The following TTBK2 variants were observed in gnomAD, a reference collection of about 807,000 sequenced individuals.
The protein encoded by TTBK2 is tau tubulin kinase 2.
In TTBK2, 28 loss-of-function variants were observed where a neutral mutation model predicts 110.8. The ratio of observed to expected loss-of-function variants is 0.25; its 90% confidence interval spans 0.19 to 0.35. TTBK2 has a LOEUF of 0.35. Ranked by LOEUF, TTBK2 falls within the 10% of genes least tolerant of loss-of-function variation. TTBK2 has a pLI of 1.00. For missense variants in TTBK2, 1,369 were observed against 1,500.3 expected, an observed-to-expected ratio of 0.91 and a Z score of 1.45; for synonymous variants, 532 against 527.3, an observed-to-expected ratio of 1.01 and a Z score of -0.12.
At chr15:42,890,886 G>C (rs1895429064) in intron 1 of TTBK2, among the ~76,000 whole-genome samples, 1 of 152,022 alleles carries the variant, frequency 6.6e-6, no homozygotes, top group Non-Finnish European at 1.5e-5. Context: ...TTTGTTTTTT[G>C]AGATGGAGTC....
chr15:42,852,951 A>G (rs1310877248), intron 3 of TTBK2, among the ~76,000 whole-genome samples: 2 of 152,240 alleles, frequency 1.3e-5, no homozygotes, highest in Non-Finnish European at 2.9e-5. Context: ...AGGTCCCAGT[A>G]TGTAACTATT....
intron 1 of TTBK2, among the ~76,000 whole-genome samples, chr15:42,912,061 C>T (rs138654062): frequency 1.4e-3 from 212 of 152,304 alleles, no homozygotes; most frequent in African/African-American, 4.6e-3. Flanking sequence ...TCCTGGGCCA[C>T]GTGCGGCCCA....
At chr15:42,830,962 G>A (rs1417550654) in intron 4 of TTBK2, among the ~76,000 whole-genome samples, 6 of 151,242 alleles carry the variant, frequency 4.0e-5, no homozygotes, top group South Asian at 2.1e-4. Flanking sequence ...CCAAGATCAC[G>A]CCACCGCACT....
rs545838402 is a variant in TTBK2, at chr15:42,853,893, A to T, written c.218-13460T>A. 8.8e-3 allele frequency among the ~76,000 whole-genome samples: 1,334 copies of T among 152,098 alleles called. 21 individuals are homozygous for T. The highest frequency in any genetic ancestry group is 0.03 in the African/African-American group (1,263 of 41,420). Reference sequence around the variant, plus strand: ...AAGGCTCCGTCTCAAAAAAAAATAAAAAATAAAAAATAAATGAGAAATCAG... The same window carrying T: ...AAGGCTCCGTCTCAAAAAAAAATAATAAATAAAAAATAAATGAGAAATCAG... On this transcript the variant is annotated intron_variant, in intron 3 of 14. Transcript: ENST00000267890.
intron 13 of TTBK2, among the ~76,000 whole-genome samples, chr15:42,757,754 T>C (rs2061967608): frequency 6.6e-6 from 1 of 152,252 alleles, no homozygotes; most frequent in Non-Finnish European, 1.5e-5. Context: ...ATGCATCTTT[T>C]ATATCTTTAA....
intron 6 of TTBK2, among the ~76,000 whole-genome samples, chr15:42,821,116 A>G (rs1302450467): frequency 6.6e-6 from 1 of 152,236 alleles, no homozygotes; most frequent in African/African-American, 2.4e-5. Flanking sequence ...ACAAGTGAAA[A>G]AAAGAAAGGT....
At chr15:42,805,516 G>A (rs1891426058) in intron 9 of TTBK2, among the ~76,000 whole-genome samples, 1 of 152,174 alleles carries the variant, frequency 6.6e-6, no homozygotes, top group African/African-American at 2.4e-5. Context: ...AGTCTCATCT[G>A]ACTGCATCGA....
At chr15:42,892,211 G>A (rs1432882739) in intron 1 of TTBK2, among the ~76,000 whole-genome samples, 2 of 152,102 alleles carry the variant, frequency 1.3e-5, no homozygotes, top group Non-Finnish European at 2.9e-5. Context: ...AAGATAACAA[G>A]AATACAAACA....
At chr15:42,852,557 A>G (rs965959395) in intron 3 of TTBK2, among the ~76,000 whole-genome samples, 1 of 152,228 alleles carries the variant, frequency 6.6e-6, no homozygotes, top group Non-Finnish European at 1.5e-5. Context: ...GCATATATAA[A>G]TATGTACGTG....
In TTBK2 at chr15:42,794,754, A is replaced by G. The variant is rs201340730; in HGVS notation, c.870T>C (p.Ile290=). 2 of 1,614,164 alleles carry G rather than the reference A, an allele frequency of 1.2e-6. No individual in the cohort carries two copies. The highest frequency in any genetic ancestry group is 3.3e-5 in the Admixed American group (2 of 60,024). The change falls in exon 10 of 15, where the codon ATT becomes ATC. Residue 290 remains isoleucine (I), a synonymous_variant. Transcript: ENST00000267890. The part of the protein sequence containing the change: ...FDNSIKTFGV[I]ESDPFDWEKT... The stretch of plus-strand genomic sequence containing the variant: ...TCTCCCAGTCAAAAGGGTCACTCTC[A>G]ATTACTCCAAAAGTCTTGATGCTAT...
At chr15:42,821,994 G>A (rs1452912601) in intron 6 of TTBK2, among the ~76,000 whole-genome samples, 7 of 152,122 alleles carry the variant, frequency 4.6e-5, no homozygotes, top group Non-Finnish European at 8.8e-5. Flanking sequence ...CCAGCCTCTT[G>A]CCAGGGTTTT....
Position 42,817,059 on chromosome 15 carries a change from A to G in TTBK2, c.576T>C (p.Tyr192=), listed in dbSNP as rs1340512718. ...TGTTCCGATGTGCGTTGATTGATGCATAACGAACTGTCCCTCGAAAACCTG... is the reference window on the plus strand; with the variant it reads ...TGTTCCGATGTGCGTTGATTGATGCGTAACGAACTGTCCCTCGAAAACCTG... ...AVAGFRGTVR[Y]ASINAHRNRE... Residue 192 remains tyrosine, a synonymous_variant, in exon 7 of 15, where the codon TAT becomes TAC. Transcript: ENST00000267890. The G allele has an allele frequency of 1.9e-6, 3 of 1,607,838 alleles. No homozygotes were observed. Among genetic ancestry groups the G allele is most frequent in the Non-Finnish European group, 2.6e-6 (3 of 1,176,320 alleles).
chr15:42,857,358 T>A (rs781519363), intron 3 of TTBK2: 24 of 151,686 alleles, frequency 1.6e-4, no homozygotes, highest in East Asian at 4.1e-4. Context: ...TCTACAAAAA[T>A]TTTTTTAAAA....
At chr15:42,756,913 AT>A (rs1363347314) in intron 13 of TTBK2, among the ~76,000 whole-genome samples, 1 of 152,112 alleles carries the variant, frequency 6.6e-6, no homozygotes, top group African/African-American at 2.4e-5. Flanking sequence ...AGCAACAACA[AT>A]AAAAATATAT....
rs1476131991 is a variant in TTBK2 at position 42,745,795 on chromosome 15, C to T, written c.3735G>A (p.Ter1245=). 11 of 1,613,936 alleles carry T rather than the reference C, an allele frequency of 6.8e-6. No homozygotes were observed. In the South Asian group the frequency reaches 1.1e-4, roughly 16 times the overall value. ...CTTTCAAAGAGATGCAGCCTGGCTC[C>T]TATCTGCTGAGTTTACTGGCTGGCT... ...KSKPASKLSR[*] is the part of the protein sequence containing the mutation. The change falls in exon 15 of 15, where the codon TAG becomes TAA. Residue 1245 remains the stop codon, a stop_retained_variant. Coordinates refer to ENST00000267890, the MANE Select transcript of TTBK2 (RefSeq NM_173500.4).
At chr15:42,884,906 C>A (rs1252019412) in intron 1 of TTBK2, among the ~76,000 whole-genome samples, 1 of 152,104 alleles carries the variant, frequency 6.6e-6, no homozygotes, top group East Asian at 1.9e-4. Context: ...TGTTTCCCCC[C>A]ACCCTTAATA....
chr15:42,795,288 C>T (rs1233591512), intron 9 of TTBK2, among the ~76,000 whole-genome samples: 2 of 146,482 alleles, frequency 1.4e-5, no homozygotes, highest in African/African-American at 5.0e-5. Flanking sequence ...TTAAAAAATT[C>T]TTAAAATATG....
chr15:42,760,526 A>G (rs1324184370), intron 13 of TTBK2, among the ~76,000 whole-genome samples: 1 of 152,160 alleles, frequency 6.6e-6, no homozygotes, highest in Non-Finnish European at 1.5e-5. Flanking sequence ...GACAAAAATA[A>G]AATTTTTTAA....
At chr15:42,816,920 A>G in intron 7 of TTBK2, 112 bp downstream of exon 7, 1 of 583,448 alleles carries the variant, frequency 1.7e-6, no homozygotes, top group Non-Finnish European at 2.3e-6. Flanking sequence ...CTCTGTCTCA[A>G]CAAATATACA....
Sources: allele counts gnomAD v4.1 joint callset (sites outside exome capture counted in the v4.1 genomes callset), GRCh38; gene constraint gnomAD v4.1.1; transcripts MANE v1.5; gene names NCBI Gene and HGNC (gene_info 2026-07-23, HGNC 2026-07-21).